The following ADGRL2 variants were observed in gnomAD, a reference collection of about 807,000 sequenced individuals.
ADGRL2 encodes calcium-independent alpha-latrotoxin receptor 2.
ADGRL2 carries 44 observed loss-of-function variants against 157.4 expected under a neutral mutation model. The observed-to-expected ratio is 0.28, with a 90% CI of 0.22 to 0.36. The LOEUF is 0.36. Among genes scored for constraint, ADGRL2 ranks in the 10% least tolerant of loss-of-function variants. The probability of loss-of-function intolerance (pLI) is 1.00; values close to 1 mark genes in which losing one functional copy is unlikely to be tolerated. For missense variants in ADGRL2, 1,510 were observed against 1,768.9 expected (o/e 0.85, Z 2.63); for synonymous variants, 585 against 624.7 (o/e 0.94, Z 0.95).
chr1:81,794,344 T>C (rs752134729), intron 2 of ADGRL2, among the ~76,000 whole-genome samples: 1 of 152,172 alleles, frequency 6.6e-6, no homozygotes, highest in Non-Finnish European at 1.5e-5. Flanking sequence ...TCGTTAGTTA[T>C]ATTGTAGATA....
chr1:81,848,837 A>G (rs2092899131), intron 2 of ADGRL2, among the ~76,000 whole-genome samples: 1 of 151,956 alleles, frequency 6.6e-6, no homozygotes, highest in South Asian at 2.1e-4. Flanking sequence ...ACCTGTAACA[A>G]TTATAACAAG....
chr1:81,870,387 G>A lies in ADGRL2; in HGVS notation c.73+33330G>A, dbSNP rs375636864. ...ATATTCCTGTTTATTCTTTCTTGGAGCATTTTGATACATGGGAAAAAAATA... is the reference window on the plus strand; with the variant it reads ...ATATTCCTGTTTATTCTTTCTTGGAACATTTTGATACATGGGAAAAAAATA... On this transcript the variant is annotated intron_variant, in intron 2 of 23. Coordinates refer to ENST00000686636, the MANE Select transcript of ADGRL2 (RefSeq NM_001366006.2). Among the ~76,000 whole-genome samples the A allele has an allele frequency of 4.6e-5, 7 of 151,900 alleles. No individual in the cohort carries two copies. The South Asian group carries it at 1.5e-3, about 32-fold the overall frequency.
chr1:81,403,299 C>G (rs954717713), intron 1 of ADGRL2, among the ~76,000 whole-genome samples: 1 of 151,948 alleles, frequency 6.6e-6, no homozygotes, highest in African/African-American at 2.4e-5. Context: ...GAGTCTCCCT[C>G]TGTTGCCCAG....
chr1:81,546,690 C>G, intron 2 of ADGRL2, among the ~76,000 whole-genome samples: 1 of 152,280 alleles, frequency 6.6e-6, no homozygotes, highest in Admixed American at 6.5e-5. Flanking sequence ...CTTTATGTAA[C>G]TTAGTTTGTG....
chr1:81,786,940 C>T lies in ADGRL2; in HGVS notation c.-101+25088C>T, dbSNP rs189704326. On this transcript the variant is annotated intron_variant, in intron 2 of 20. Transcript: ENST00000359929. ...TTGAATTGTACTCCCATAATTCCCA[C>T]GTGTTGTGGGAGGGACCCGGTAGGA... is the stretch of plus-strand genomic sequence containing the variant. Among the ~76,000 whole-genome samples, 353 of 152,250 alleles carry T rather than the reference C, an allele frequency of 2.3e-3. 1 individual carries two copies. Among genetic ancestry groups the T allele is most frequent in the African/African-American group, 7.5e-3 (313 of 41,550 alleles).
intron 1 of ADGRL2, among the ~76,000 whole-genome samples, chr1:81,441,779 C>A (rs562387468): frequency 1.6e-4 from 24 of 152,298 alleles, no homozygotes; most frequent in Middle Eastern, 3.4e-3. Flanking sequence ...ACCTCATGAT[C>A]CGCCCGCCTT....
chr1:81,678,069 C>A (rs540191476), intron 3 of ADGRL2, among the ~76,000 whole-genome samples: 13 of 152,282 alleles, frequency 8.5e-5, no homozygotes, highest in Admixed American at 2.6e-4. Context: ...TGAAATGTCA[C>A]CTCCCATATG....
At chr1:81,741,471 T>C (rs2085072106) in intron 1 of ADGRL2, among the ~76,000 whole-genome samples, 4 of 152,058 alleles carry the variant, frequency 2.6e-5, no homozygotes, top group Admixed American at 2.6e-4. Flanking sequence ...TAATTGGATA[T>C]ATTCAATTAA....
chr1:81,680,206 G>A (rs1389652611), intron 3 of ADGRL2, among the ~76,000 whole-genome samples: 2 of 152,290 alleles, frequency 1.3e-5, no homozygotes, highest in Admixed American at 1.3e-4. Context: ...GTTACAATGT[G>A]CACAAGAATT....
chr1:81,528,475 G>C (rs903843046), intron 2 of ADGRL2, among the ~76,000 whole-genome samples: 2 of 151,816 alleles, frequency 1.3e-5, no homozygotes, highest in Admixed American at 1.3e-4. Flanking sequence ...GTGAAACCCC[G>C]TCTCTACCAA....
intron 2 of ADGRL2, among the ~76,000 whole-genome samples, chr1:81,523,399 A>C (rs966801546): frequency 2.6e-5 from 4 of 152,142 alleles, no homozygotes; most frequent in African/African-American, 9.7e-5. Context: ...TAATTAAAGT[A>C]TTATAATATT....
chr1:81,608,231 G>A (rs2081472621), intron 3 of ADGRL2, among the ~76,000 whole-genome samples: 1 of 152,046 alleles, frequency 6.6e-6, no homozygotes, highest in Non-Finnish European at 1.5e-5. Context: ...CCTTTCTCTG[G>A]GTGAAGGGTG....
At chr1:81,811,071 G>A (rs928491463) in intron 1 of ADGRL2, among the ~76,000 whole-genome samples, 1 of 151,614 alleles carries the variant, frequency 6.6e-6, no homozygotes, top group Non-Finnish European at 1.5e-5. Context: ...TATTGTTACG[G>A]GTTTTAAACT....
At chr1:81,980,082 G>C in intron 18 of ADGRL2, 122 bp downstream of exon 18, 1 of 607,106 alleles carries the variant, frequency 1.6e-6, no homozygotes, top group African/African-American at 1.8e-5. Flanking sequence ...AAGTTTTACT[G>C]CCCTCAAGTT....
At chr1:81,635,322 G>T (rs1264404017) in intron 3 of ADGRL2, among the ~76,000 whole-genome samples, 1 of 152,086 alleles carries the variant, frequency 6.6e-6, no homozygotes, top group African/African-American at 2.4e-5. Flanking sequence ...TAAGAAATTC[G>T]AAGGAAGACG....
intron 2 of ADGRL2, among the ~76,000 whole-genome samples, chr1:81,472,272 C>T (rs187710895): frequency 2.6e-4 from 39 of 152,320 alleles, no homozygotes; most frequent in African/African-American, 9.1e-4. Flanking sequence ...TTGAACCTAT[C>T]TGTTTATTTC....
chr1:81,987,698 G>C (rs1663586809), intron 22 of ADGRL2, among the ~76,000 whole-genome samples, 171 bp from the exon 23 acceptor site: 1 of 151,728 alleles, frequency 6.6e-6, no homozygotes, highest in Non-Finnish European at 1.5e-5. Context: ...TTTTGGTAAA[G>C]TTTTCACATA....
In ADGRL2 at chr1:81,943,141, A is replaced by G. The variant is rs1648659693; in HGVS notation, c.582A>G (p.Glu194=). The G allele has an allele frequency of 6.2e-7, 1 of 1,613,482 alleles. No homozygotes were observed. Among genetic ancestry groups the G allele is most frequent in the South Asian group, 1.1e-5 (1 of 91,082 alleles). ...CTTTAATAGAATATGCTTCTTTAGAAGATTTCCAAAATAGTCGCCAAACAA... is the reference window on the plus strand; with the variant it reads ...CTTTAATAGAATATGCTTCTTTAGAGGATTTCCAAAATAGTCGCCAAACAA... The part of the protein sequence containing the change: ...TDTLIEYASL[E]DFQNSRQTTT... The change falls in exon 6 of 24, where the codon GAA becomes GAG. Residue 194 remains glutamate, a synonymous_variant. Coordinates refer to ENST00000686636, the MANE Select transcript of ADGRL2 (RefSeq NM_001366006.2). This position sits in a 1 kb window ranked among gnomAD's most constrained non-coding sequence, Gnocchi z 5.6.
intron 2 of ADGRL2, among the ~76,000 whole-genome samples, chr1:81,556,373 C>T (rs1435554689): frequency 4.0e-5 from 5 of 123,458 alleles, no homozygotes; most frequent in Admixed American, 3.1e-4. Context: ...GGCTGAAGTG[C>T]AGTGGTGTGA....
Sources: allele counts gnomAD v4.1 joint callset (sites outside exome capture counted in the v4.1 genomes callset), GRCh38; gene constraint gnomAD v4.1.1; non-coding constraint Gnocchi (gnomAD v3.1); transcripts MANE v1.5; gene names NCBI Gene and HGNC (gene_info 2026-07-23, HGNC 2026-07-21).